The following LINGO1 variants were observed in gnomAD, a reference collection of about 807,000 sequenced individuals.
LINGO1 encodes the protein leucine-rich repeat and immunoglobulin-like domain-containing nogo receptor-interacting protein 1.
A neutral mutation model predicts 37.3 loss-of-function variants in LINGO1; 11 were observed. That is an observed-to-expected ratio of 0.29 (90% CI 0.19 to 0.49). LINGO1 has a LOEUF of 0.49. Ranked by LOEUF, LINGO1 falls within the 20% of genes least tolerant of loss-of-function variation. The probability of loss-of-function intolerance (pLI) is 0.99; values close to 1 mark genes in which losing one functional copy is unlikely to be tolerated. For synonymous variants in LINGO1, 387 were observed against 403.0 expected (o/e 0.96, Z 0.48); for missense variants, 585 against 878.2 (o/e 0.67, Z 4.22).
At chr15:77,702,680 C>CTT (rs2075799931) in intron 2 of LINGO1, among the ~76,000 whole-genome samples, 1 of 152,082 alleles carries the variant, frequency 6.6e-6, no homozygotes, top group Non-Finnish European at 1.5e-5. Flanking sequence ...GGTTCAGCAC[C>CTT]CCGGACAGCT....
At chr15:77,687,230 C>T (rs73457860) in intron 2 of LINGO1, among the ~76,000 whole-genome samples, 12,687 of 152,068 alleles carry the variant, frequency 0.083, 760 homozygotes, top group East Asian at 0.17. Flanking sequence ...AGGATCAGGG[C>T]TCAGTGTGAG....
intron 1 of LINGO1, among the ~76,000 whole-genome samples, chr15:77,819,081 C>G (rs1336187041): frequency 6.6e-6 from 1 of 151,188 alleles, no homozygotes; most frequent in East Asian, 1.9e-4. Flanking sequence ...AGCACGCCCC[C>G]TCCCAGCCCC....
At chr15:77,705,014 G>T (rs2075832267) in intron 2 of LINGO1, among the ~76,000 whole-genome samples, 1 of 152,220 alleles carries the variant, frequency 6.6e-6, no homozygotes, top group South Asian at 2.1e-4. Context: ...TCCTTGTGGA[G>T]AAGTTGCTGG....
chr15:77,770,960 C>T (rs2076579127), intron 1 of LINGO1, among the ~76,000 whole-genome samples: 1 of 152,196 alleles, frequency 6.6e-6, no homozygotes, highest in Non-Finnish European at 1.5e-5. Context: ...GTGACTGTGA[C>T]CCTTCTCGGG....
chr15:77,640,840 TCATTCATTCATTCATTCATTCATC>T (rs1318988392), intron 3 of LINGO1, among the ~76,000 whole-genome samples: 1 of 151,836 alleles, frequency 6.6e-6, no homozygotes, highest in Non-Finnish European at 1.5e-5. Context: ...ATTCATTCAT[TCATTCATTCATTCATTCATTCATC>T]AAATGCCAAA....
chr15:77,719,912 C>A (rs1334711881), intron 2 of LINGO1, among the ~76,000 whole-genome samples: 2 of 149,784 alleles, frequency 1.3e-5, no homozygotes, highest in Non-Finnish European at 3.0e-5. Context: ...AACTATGAGA[C>A]AGATTCTGCC....
At chr15:77,683,645 T>C (rs1468085968) in intron 2 of LINGO1, among the ~76,000 whole-genome samples, 1 of 152,166 alleles carries the variant, frequency 6.6e-6, no homozygotes, top group East Asian at 1.9e-4. Context: ...CGTTTCCTTT[T>C]TTAGCAATAC....
intron 2 of LINGO1, among the ~76,000 whole-genome samples, chr15:77,719,726 G>A (rs750929753): frequency 1.3e-5 from 2 of 149,294 alleles, no homozygotes; most frequent in Non-Finnish European, 3.0e-5. Context: ...TCACATTCAC[G>A]CACATATATA....
rs775611918 is a variant in LINGO1, at chr15:77,718,912, T to C, written c.-195+16080A>G. Among the ~76,000 whole-genome samples the C allele has an allele frequency of 2.1e-4, 32 of 150,510 alleles. 1 individual carries two copies. Among genetic ancestry groups the C allele is most frequent in the Non-Finnish European group, 3.4e-4 (23 of 67,512 alleles). Reference sequence around the variant, plus strand: ...TAGGGCGAGAAGAAGCTCCTAACCTTATTTCCTCATTTCTAGCAGCAAGAG... The same window carrying C: ...TAGGGCGAGAAGAAGCTCCTAACCTCATTTCCTCATTTCTAGCAGCAAGAG... On this transcript the variant is annotated intron_variant, in intron 2 of 3. Coordinates refer to the LINGO1 transcript ENST00000561686.
At chr15:77,718,879 C>G (rs1470821449) in intron 2 of LINGO1, among the ~76,000 whole-genome samples, 1 of 150,802 alleles carries the variant, frequency 6.6e-6, no homozygotes, top group African/African-American at 2.4e-5. Context: ...TCTTCCTCAA[C>G]CAGGTGGTAG....
At chr15:77,630,141 G>A (rs1461422577) in intron 1 of LINGO1, among the ~76,000 whole-genome samples, 1 of 151,978 alleles carries the variant, frequency 6.6e-6, no homozygotes, top group Non-Finnish European at 1.5e-5. Context: ...GCAAGCTAAG[G>A]CCCTGACTCT....
intron 1 of LINGO1, among the ~76,000 whole-genome samples, chr15:77,810,460 G>A (rs956807408): frequency 1.3e-5 from 2 of 152,164 alleles, no homozygotes; most frequent in Non-Finnish European, 1.5e-5. Flanking sequence ...CAGCCCTTCC[G>A]CAGCTGATCC....
At chr15:77,659,081 C>T (rs2141162674) in intron 3 of LINGO1, among the ~76,000 whole-genome samples, 1 of 152,306 alleles carries the variant, frequency 6.6e-6, no homozygotes, top group East Asian at 1.9e-4. Context: ...CCTGGAGAAG[C>T]TGGCTGGGAC....
intron 1 of LINGO1, among the ~76,000 whole-genome samples, chr15:77,783,930 T>C (rs12902224): frequency 0.77 from 117,641 of 152,150 alleles, 45,919 homozygotes; most frequent in African/African-American, 0.87. Flanking sequence ...TGTTCCTGGG[T>C]GCAGACTGAC....
At chr15:77,638,330 T>G (rs1229424461), upstream of LINGO1, among the ~76,000 whole-genome samples, 1 of 152,190 alleles carries the variant, frequency 6.6e-6, no homozygotes, top group Non-Finnish European at 1.5e-5. Context: ...CTTGAGTTAC[T>G]GTGGGATGCA....
intron 1 of LINGO1, among the ~76,000 whole-genome samples, chr15:77,806,044 C>T (rs777140320): frequency 6.6e-6 from 1 of 152,162 alleles, no homozygotes; most frequent in Non-Finnish European, 1.5e-5. Context: ...CACCTCTCCT[C>T]GGCAGCTATG....
intron 2 of LINGO1, among the ~76,000 whole-genome samples, chr15:77,704,009 G>C (rs1431019653): frequency 4.6e-5 from 7 of 152,222 alleles, no homozygotes; most frequent in Non-Finnish European, 8.8e-5. Flanking sequence ...CAAGGAGTTT[G>C]AGTCCGGGCT....
chr15:77,783,826 C>T (rs147399022), intron 1 of LINGO1, among the ~76,000 whole-genome samples: 2 of 152,276 alleles, frequency 1.3e-5, no homozygotes, highest in Non-Finnish European at 2.9e-5. Flanking sequence ...GGAGCCAGTG[C>T]TTTTTTTCCT....
At chr15:77,722,009 G>C (rs948403783) in intron 2 of LINGO1, among the ~76,000 whole-genome samples, 29 of 152,284 alleles carry the variant, frequency 1.9e-4, no homozygotes, top group Admixed American at 2.6e-4. Flanking sequence ...GCTGCCTGGT[G>C]GGGGGTGAGG....
Sources: gnomAD v4.1 joint callset for allele counts (sites outside exome capture counted in the v4.1 genomes callset) on GRCh38, gnomAD v4.1.1 for gene constraint, MANE v1.5 for transcripts, NCBI Gene and HGNC (gene_info 2026-07-23, HGNC 2026-07-21) for gene names.